Variants in FANCB observed in about 807,000 individuals in gnomAD.
FANCB encodes the protein Fanconi anemia group B protein.
FANCB carries 5 observed loss-of-function variants against 38.9 expected under a neutral mutation model. The ratio of observed to expected loss-of-function variants is 0.13; its 90% CI spans 0.07 to 0.27. The LOEUF is 0.27. Ranked by LOEUF, FANCB falls within the 10% of genes least tolerant of loss-of-function variation. The pLI is 1.00. For synonymous variants in FANCB, 236 were observed against 215.4 expected, an observed-to-expected ratio of 1.10 and a Z score of -0.84; for missense variants, 573 against 602.7, an observed-to-expected ratio of 0.95 and a Z score of 0.52.
At chrX:14,695,003 C>G in the FANCB span, among the ~76,000 whole-genome samples, 1 of 111,827 alleles carries the variant, frequency 8.9e-6, no homozygotes, top group Non-Finnish European at 1.9e-5. Context: ...TTCAGATGCC[C>G]ATGAGACATC....
At chrX:14,690,185 T>G in the FANCB span, among the ~76,000 whole-genome samples, 1 of 112,161 alleles carries the variant, frequency 8.9e-6, no homozygotes, top group Non-Finnish European at 1.9e-5. Context: ...TTATATTGAT[T>G]TTTAAATTTC....
rs140599846 is a variant in FANCB at position 14,861,775 on chromosome X, C to T, written c.952-2441G>A. On this transcript the variant is annotated intron_variant, in intron 3 of 9. Transcript: ENST00000650831. ...TTCAAGTGTAGTTACTTCTCTTAACCTGAGTTTTTGGCATAATTATTTCTA... is the reference window on the plus strand; with the variant it reads ...TTCAAGTGTAGTTACTTCTCTTAACTTGAGTTTTTGGCATAATTATTTCTA... Among the ~76,000 whole-genome samples, 389 of 112,300 alleles carry T rather than the reference C, an allele frequency of 3.5e-3. 1 individual carries two copies. Among genetic ancestry groups the T allele is most frequent in the African/African-American group, 0.011 (352 of 30,923 alleles).
chrX:14,793,970 C>G, the FANCB span, among the ~76,000 whole-genome samples: 1 of 111,188 alleles, frequency 9.0e-6, no homozygotes, highest in East Asian at 2.8e-4. Flanking sequence ...TGAGTTTAGG[C>G]CAGAACATGG....
At chrX:14,757,899 G>A in the FANCB span, among the ~76,000 whole-genome samples, 1 of 111,604 alleles carries the variant, frequency 9.0e-6, no homozygotes, top group Admixed American at 9.4e-5. Context: ...GGCGGCAGAC[G>A]GAGAGGCATG....
intron 3 of FANCB, among the ~76,000 whole-genome samples, chrX:14,860,071 A>G (rs753977977): frequency 9.0e-5 from 10 of 111,454 alleles, no homozygotes; most frequent in Non-Finnish European, 1.9e-5. Context: ...AAAATAGAGG[A>G]CAACTTCTTA....
At chrX:14,774,800 G>A in the FANCB span, among the ~76,000 whole-genome samples, 3 of 110,007 alleles carry the variant, frequency 2.7e-5, no homozygotes, top group South Asian at 1.1e-3. Context: ...TCTTTTTGAG[G>A]CTCCCTTCTA....
At chrX:14,693,958 A>G in the FANCB span, among the ~76,000 whole-genome samples, 20,181 of 111,469 alleles carry the variant, frequency 0.18, 1,725 homozygotes, top group Non-Finnish European at 0.26. Flanking sequence ...CTTCAAATGC[A>G]TATTTTATAA....
chrX:14,756,841 ATGACGGTCTC>A, the FANCB span, among the ~76,000 whole-genome samples: 142 of 112,243 alleles, frequency 1.3e-3, 1 homozygote, highest in Middle Eastern at 4.6e-3. Flanking sequence ...AAATGCTGTA[ATGACGGTCTC>A]AAGTAGTGAC....
intron 7 of FANCB, among the ~76,000 whole-genome samples, chrX:14,846,627 G>A (rs1286282701): frequency 9.0e-6 from 1 of 111,241 alleles, no homozygotes; most frequent in Non-Finnish European, 1.9e-5. Context: ...CCTCCCAGTG[G>A]AAGAAAACAA....
At chrX:14,727,124 A>G in the FANCB span, among the ~76,000 whole-genome samples, 683 of 111,971 alleles carry the variant, frequency 6.1e-3, 9 homozygotes, top group African/African-American at 0.021. Context: ...CATCTAGACC[A>G]GTGGTTTCCA....
At chrX:14,770,681 G>A in the FANCB span, among the ~76,000 whole-genome samples, 1 of 111,806 alleles carries the variant, frequency 8.9e-6, no homozygotes, top group East Asian at 2.8e-4. Flanking sequence ...TCATTGTGAT[G>A]CTAGCTGGTT....
the FANCB span, among the ~76,000 whole-genome samples, chrX:14,713,857 T>C: frequency 4.5e-5 from 5 of 111,261 alleles, no homozygotes; most frequent in East Asian, 1.1e-3. Flanking sequence ...AGTTTTGAGC[T>C]GAAGATGACC....
rs150576967 is a variant in FANCB at position 14,848,824 on chromosome X, T to C, written c.1496+1681A>G. Among the ~76,000 whole-genome samples, 340 of 111,178 alleles carry C rather than the reference T, an allele frequency of 3.1e-3. 1 individual carries two copies. The highest frequency in any genetic ancestry group is 0.01 in the African/African-American group (306 of 30,511). On this transcript the variant is annotated intron_variant, in intron 7 of 9. Coordinates refer to ENST00000650831, the MANE Select transcript of FANCB (RefSeq NM_001018113.3). ...AATCAAACGACCCTAAATCCCTCAC[T>C]AACCTACCCCCGCCCTCACTAACCT...
the FANCB span, among the ~76,000 whole-genome samples, chrX:14,767,048 C>A: frequency 4.5e-5 from 5 of 111,789 alleles, no homozygotes; most frequent in African/African-American, 1.6e-4. Flanking sequence ...GGCTGCATAC[C>A]CCACGGTGTA....
chrX:14,757,590 C>T, the FANCB span, among the ~76,000 whole-genome samples: 7 of 111,661 alleles, frequency 6.3e-5, no homozygotes, highest in Non-Finnish European at 1.1e-4. Context: ...GTCCAGATCA[C>T]GGGAAAAGGA....
At chrX:14,727,610 A>G in the FANCB span, among the ~76,000 whole-genome samples, 1 of 112,370 alleles carries the variant, frequency 8.9e-6, no homozygotes, top group African/African-American at 3.2e-5. Context: ...TGACACTGTA[A>G]TAATTAATAT....
chrX:14,689,918 T>A, the FANCB span, among the ~76,000 whole-genome samples: 1 of 112,307 alleles, frequency 8.9e-6, no homozygotes, highest in African/African-American at 3.2e-5. Flanking sequence ...TTTGTCAAAT[T>A]ATAAGACTTA....
At chrX:14,800,214 T>A in the FANCB span, among the ~76,000 whole-genome samples, 1 of 111,978 alleles carries the variant, frequency 8.9e-6, no homozygotes, top group Non-Finnish European at 1.9e-5. Context: ...AGAACACTCA[T>A]GTCTAATGGC....
the FANCB span, among the ~76,000 whole-genome samples, chrX:14,791,701 CTTGT>C: frequency 8.9e-6 from 1 of 111,960 alleles, no homozygotes; most frequent in East Asian, 2.8e-4. Context: ...AGATTAGCCT[CTTGT>C]TTCTCAGTTC....
Sources: allele counts gnomAD v4.1 joint callset (sites outside exome capture counted in the v4.1 genomes callset), GRCh38; gene constraint gnomAD v4.1.1; transcripts MANE v1.5; gene names NCBI Gene and HGNC (gene_info 2026-07-23, HGNC 2026-07-21).